The following ZNF91 variants were observed in gnomAD, a reference collection of about 807,000 sequenced individuals.
ZNF91 encodes the protein zinc finger protein 91, also known as zinc finger protein 91 (HPF7, HTF10).
ZNF91 carries 7 observed loss-of-function variants against 12.6 expected under a neutral mutation model. That is an observed-to-expected ratio of 0.55 (90% CI 0.31 to 1.04). The LOEUF (loss-of-function observed/expected upper bound fraction) is 1.04, where lower values mean the gene tolerates loss of function less well. Among genes scored for constraint, ZNF91 ranks in the 50% least tolerant of loss-of-function variants. The probability of loss-of-function intolerance (pLI) is 0.05; values close to 1 mark genes in which losing one functional copy is unlikely to be tolerated. For missense variants in ZNF91, 1,217 were observed against 1,385.4 expected, an observed-to-expected ratio of 0.88 and a Z score of 1.93; for synonymous variants, 453 against 462.6, an observed-to-expected ratio of 0.98 and a Z score of 0.27.
At chr19:23,366,207 A>T (rs1371487226) in intron 3 of ZNF91, among the ~76,000 whole-genome samples, 1 of 149,294 alleles carries the variant, frequency 6.7e-6, no homozygotes. Flanking sequence ...TGACCCCCCC[A>T]CCTCCCTCCC....
upstream of ZNF91, among the ~76,000 whole-genome samples, chr19:23,314,141 C>T (rs1359476293): frequency 6.6e-6 from 1 of 152,148 alleles, no homozygotes; most frequent in Admixed American, 6.5e-5. Context: ...TGGCATTGCC[C>T]ACATTGCATC....
chr19:23,384,410 G>A (rs751072385), intron 1 of ZNF91: 24 of 268,504 alleles, frequency 8.9e-5, no homozygotes, highest in Non-Finnish European at 1.5e-4. Flanking sequence ...AGCCACTTCT[G>A]AAGCCACTTG....
chr19:23,319,749 T>C (rs1967644931), intron 1 of ZNF91, among the ~76,000 whole-genome samples: 1 of 152,190 alleles, frequency 6.6e-6, no homozygotes. Flanking sequence ...GATTGTGACA[T>C]ATATCTGGCC....
chr19:23,383,566 T>G (rs1255554716), intron 1 of ZNF91, among the ~76,000 whole-genome samples: 1 of 151,862 alleles, frequency 6.6e-6, no homozygotes, highest in Non-Finnish European at 1.5e-5. Context: ...CGGGTGCCTG[T>G]AATCCCAGCT....
At chr19:23,321,078 T>C (rs940039158) in intron 1 of ZNF91, among the ~76,000 whole-genome samples, 13 of 152,206 alleles carry the variant, frequency 8.5e-5, no homozygotes, top group African/African-American at 2.7e-4. Context: ...ACAAGACATG[T>C]TGACTCTCAT....
upstream of ZNF91, among the ~76,000 whole-genome samples, chr19:23,311,750 C>A (rs556349591): frequency 6.6e-6 from 1 of 152,066 alleles, no homozygotes; most frequent in African/African-American, 2.4e-5. Flanking sequence ...TCCTGCCTGG[C>A]CCCCACGTAT....
intron 1 of ZNF91, among the ~76,000 whole-genome samples, chr19:23,318,966 A>C (rs1194003077): frequency 6.6e-6 from 1 of 152,308 alleles, no homozygotes; most frequent in Admixed American, 6.5e-5. Context: ...TAATTTTGAC[A>C]TAGGGCTGGG....
rs755914444 is a variant in ZNF91 at position 23,360,338 on chromosome 19, G to T, written c.2641C>A (p.Pro881Thr). 1.9e-6 allele frequency: 3 copies of T among 1,613,974 alleles called. No homozygotes were observed. The highest frequency in any genetic ancestry group is 1.7e-6 in the Non-Finnish European group (2 of 1,179,988). ...TTGTCACATTCTTCACTCTTGGAAG[G>T]TTTCTCTTTAGTATGAATTATCTTA... ...THKIIHTKEK[P>T]SKSEECDKAF... The change falls in exon 4 of 4, where the codon CCT (proline) becomes ACT (threonine). Residue 881 changes from proline to threonine, a missense_variant. Coordinates refer to ENST00000300619, the MANE Select transcript of ZNF91 (RefSeq NM_003430.4).
intron 1 of ZNF91, among the ~76,000 whole-genome samples, chr19:23,391,514 C>G (rs970160963): frequency 6.6e-6 from 1 of 152,124 alleles, no homozygotes; most frequent in African/African-American, 2.4e-5. Context: ...CACTGTCTGC[C>G]TCATCTTTGC....
intron 1 of ZNF91, among the ~76,000 whole-genome samples, chr19:23,380,108 A>G (rs1485516598): frequency 6.6e-6 from 1 of 151,606 alleles, no homozygotes; most frequent in African/African-American, 2.4e-5. Context: ...TAAAAATAAA[A>G]AATTTGCTGG....
chr19:23,356,739 A>AATTTTTTAAT (rs1261691453), downstream of ZNF91, among the ~76,000 whole-genome samples: 370 of 152,292 alleles, frequency 2.4e-3, 2 homozygotes, highest in African/African-American at 8.7e-3. Context: ...GGAACAATAA[A>AATTTTTTAAT]ATTTTAAAAA....
At chr19:23,385,279 G>GA (rs1969837745) in intron 1 of ZNF91, 7 of 496,456 alleles carry the variant, frequency 1.4e-5, no homozygotes, top group South Asian at 7.8e-5. Context: ...GAATGTCACG[G>GA]AAAAAAATAA....
At chr19:23,371,024 C>G (rs12985838) in intron 3 of ZNF91, among the ~76,000 whole-genome samples, 45,072 of 151,882 alleles carry the variant, frequency 0.3, 7,093 homozygotes, top group African/African-American at 0.4. Flanking sequence ...TACTCACTTA[C>G]ACAAGACAAA....
intron 3 of ZNF91, among the ~76,000 whole-genome samples, chr19:23,369,083 AG>A (rs1969147044): frequency 6.6e-6 from 1 of 152,056 alleles, no homozygotes; most frequent in African/African-American, 2.4e-5. Flanking sequence ...AGGCCGTGGC[AG>A]GCAGATCACA....
chr19:23,347,762 A>AG (rs1968268004), intron 3 of ZNF91, among the ~76,000 whole-genome samples: 1 of 152,108 alleles, frequency 6.6e-6, no homozygotes, highest in Non-Finnish European at 1.5e-5. Flanking sequence ...GCCACTCAGT[A>AG]TCACCCCACA....
chr19:23,331,825 G>C (rs1484912259), intron 1 of ZNF91, among the ~76,000 whole-genome samples: 4 of 152,136 alleles, frequency 2.6e-5, no homozygotes, highest in Non-Finnish European at 4.4e-5. Flanking sequence ...AAATTCTTAT[G>C]TTTAGAGATT....
upstream of ZNF91, among the ~76,000 whole-genome samples, chr19:23,311,829 CA>C (rs1266771481): frequency 2.0e-5 from 3 of 150,732 alleles, no homozygotes; most frequent in Non-Finnish European, 2.9e-5. Context: ...GGGTCCTGCC[CA>C]CAAGGTTATT....
chr19:23,389,155 G>T (rs915326566), intron 1 of ZNF91, among the ~76,000 whole-genome samples: 1 of 151,224 alleles, frequency 6.6e-6, no homozygotes, highest in African/African-American at 2.4e-5. Flanking sequence ...AAAAATAGAA[G>T]TTTAAAAAAA....
chr19:23,362,214 T>G lies in ZNF91; in HGVS notation c.765A>C (p.Thr255=). ...TCTCTTTAGCACAGATTATTTTATGTGTAGTAAGGGTTGAGAGCTGCTTAA... is the reference window on the plus strand; with the variant it reads ...TCTCTTTAGCACAGATTATTTTATGGGTAGTAAGGGTTGAGAGCTGCTTAA... ...KAFKQLSTLT[T]HKIICAKEKI... is the part of the protein sequence containing the mutation. The change falls in exon 4 of 4, where the codon ACA becomes ACC. Residue 255 remains threonine (T), a synonymous_variant. Transcript: ENST00000300619. 2 of 1,613,046 alleles carry G rather than the reference T, an allele frequency of 1.2e-6. No homozygotes were observed. The highest frequency in any genetic ancestry group is 8.5e-7 in the Non-Finnish European group (1 of 1,179,342).
Sources: gnomAD v4.1 joint callset for allele counts (sites outside exome capture counted in the v4.1 genomes callset) on GRCh38, gnomAD v4.1.1 for gene constraint, MANE v1.5 for transcripts, NCBI Gene and HGNC (gene_info 2026-07-23, HGNC 2026-07-21) for gene names.